The following RFTN2 variants were observed in gnomAD, a reference collection of about 807,000 sequenced individuals.
The protein encoded by RFTN2 is raftlin-2.
Under a neutral mutation model 52.7 loss-of-function variants are expected in RFTN2, and 34 were observed. That is an observed-to-expected ratio of 0.64 (90% CI 0.49 to 0.86). RFTN2 has a LOEUF of 0.86. Ranked by LOEUF, RFTN2 falls within the 40% of genes least tolerant of loss-of-function variation. The pLI, the probability that RFTN2 is intolerant of heterozygous loss-of-function variation, is 0.00. For synonymous variants in RFTN2, 203 were observed against 217.7 expected (o/e 0.93, Z 0.59); for missense variants, 536 against 600.1 (o/e 0.89, Z 1.12).
chr2:197,600,529 A>T (rs1416099796), intron 7 of RFTN2, among the ~76,000 whole-genome samples: 1 of 152,150 alleles, frequency 6.6e-6, no homozygotes, highest in Non-Finnish European at 1.5e-5. Flanking sequence ...TAAGGGAAAG[A>T]GGTCTGAAGC....
At position 197,675,412 on chromosome 2, in the gene RFTN2, G is replaced by A. The variant is rs1004843241; in HGVS notation, c.47C>T (p.Pro16Leu). The change falls in exon 1 of 9, where the codon CCT (proline) becomes CTT (leucine). Residue 16 changes from proline (P) to leucine (L), a missense_variant. Transcript: ENST00000295049. Reference protein sequence around the residue: ...RKLEDPDDSSPGKIFSTLKRP... With the variant: ...RKLEDPDDSSLGKIFSTLKRP... Reference sequence around the variant, plus strand: ...CTTCAGGGTAGAAAATATTTTTCCAGGGCTGCTATCATCAGGGTCTTCTAG... The same window carrying A: ...CTTCAGGGTAGAAAATATTTTTCCAAGGCTGCTATCATCAGGGTCTTCTAG... 8.7e-6 allele frequency: 14 copies of A among 1,603,266 alleles called. No homozygotes were observed. The highest frequency in any genetic ancestry group is 1.2e-5 in the Non-Finnish European group (14 of 1,175,012).
At chr2:197,634,819 C>G (rs1343776191) in intron 3 of RFTN2, among the ~76,000 whole-genome samples, 18 of 151,580 alleles carry the variant, frequency 1.2e-4, no homozygotes. Flanking sequence ...ATGTGACATG[C>G]TGGTGCGCTG....
intron 7 of RFTN2, among the ~76,000 whole-genome samples, chr2:197,615,217 T>A (rs1448354073): frequency 6.6e-6 from 1 of 152,184 alleles, no homozygotes; most frequent in Non-Finnish European, 1.5e-5. Flanking sequence ...TGAACCATAA[T>A]TGACTCTGCT....
rs779973604 is a variant in RFTN2, at chr2:197,619,750, A to AT, written c.929-1830_929-1829insA. On this transcript the variant is annotated intron_variant, in intron 5 of 8. Coordinates refer to ENST00000295049, the MANE Select transcript of RFTN2 (RefSeq NM_144629.3). Reference sequence around the variant, plus strand: ...CCAAGAATGATCAATTAAAAAAAAAAAATAATAATAACAATAATAAAATAA... The same window carrying AT: ...CCAAGAATGATCAATTAAAAAAAAAATAATAATAATAACAATAATAAAATAA... 2.8e-3 allele frequency among the ~76,000 whole-genome samples: 409 copies of AT among 144,546 alleles called. 1 individual carries two copies. The highest frequency in any genetic ancestry group is 7.2e-3 in the Middle Eastern group (2 of 278). The allele number at this position is 144,546 out of a possible 152,430, so 94.8% of individuals were successfully genotyped here.
At chr2:197,579,586 C>G (rs2087471989) in intron 8 of RFTN2, among the ~76,000 whole-genome samples, 1 of 152,178 alleles carries the variant, frequency 6.6e-6, no homozygotes, top group Non-Finnish European at 1.5e-5. Flanking sequence ...TCTGAGATGC[C>G]TGACGTCCAG....
rs2087303538 is a variant in RFTN2, at chr2:197,570,775, A to G, written c.*1233T>C. 6.6e-6 allele frequency: 1 copy of G among 152,242 alleles called. No homozygotes were observed. The highest frequency in any genetic ancestry group is 1.5e-5 in the Non-Finnish European group (1 of 68,048). 9.4% of individuals were successfully genotyped at this position (152,242 alleles called of 1,614,324 possible). On this transcript the variant is annotated 3_prime_UTR_variant, in exon 9 of 9. Coordinates refer to ENST00000295049, the MANE Select transcript of RFTN2 (RefSeq NM_144629.3). ...CCCAAACCAAACATATTATATGAAT[A>G]TTTGTGTTCAATAAAACAATAACAC...
At chr2:197,619,164 G>T (rs2106215691) in intron 5 of RFTN2, among the ~76,000 whole-genome samples, 1 of 151,936 alleles carries the variant, frequency 6.6e-6, no homozygotes, top group African/African-American at 2.4e-5. Context: ...TCCGGGAGGT[G>T]AGGGGCGCCT....
At chr2:197,675,189 C>T (rs937115787) in intron 1 of RFTN2, 131 bp downstream of exon 1, 10 of 658,020 alleles carry the variant, frequency 1.5e-5, no homozygotes, top group South Asian at 5.1e-5. Context: ...AATTAAGAAG[C>T]GAAGCATTAT....
chr2:197,606,628 T>G (rs2087965656), intron 7 of RFTN2, among the ~76,000 whole-genome samples: 1 of 150,764 alleles, frequency 6.6e-6, no homozygotes, highest in South Asian at 2.1e-4. Flanking sequence ...CAAACAAATT[T>G]ACAAGAAAAA....
intron 8 of RFTN2, chr2:197,587,963 G>T (rs1462016139): frequency 6.4e-6 from 3 of 469,992 alleles, no homozygotes; most frequent in Non-Finnish European, 1.3e-5. Context: ...ATGAATAGCT[G>T]GCCCGGAACT....
Position 197,626,069 on chromosome 2 carries a change from G to A in RFTN2, c.928+4942C>T, listed in dbSNP as rs544909092. On this transcript the variant is annotated intron_variant, in intron 5 of 8. Transcript: ENST00000295049. ...CTCCCAAAGTGCTGGGATTACAAGC[G>A]TGAGCCACCGCACCTTGCTAGAAAT... is the stretch of plus-strand genomic sequence containing the variant. 3.4e-4 allele frequency among the ~76,000 whole-genome samples: 51 copies of A among 152,118 alleles called. No homozygotes were observed. The South Asian group carries it at 0.01, about 30-fold the overall frequency.
intron 5 of RFTN2, among the ~76,000 whole-genome samples, chr2:197,630,638 G>A (rs1303822424): frequency 6.6e-6 from 1 of 152,152 alleles, no homozygotes; most frequent in Non-Finnish European, 1.5e-5. Flanking sequence ...GGTAGATAGT[G>A]TTCAAAATTG....
intron 8 of RFTN2, among the ~76,000 whole-genome samples, chr2:197,590,655 T>G (rs759191708): frequency 1.3e-5 from 2 of 152,166 alleles, no homozygotes; most frequent in African/African-American, 2.4e-5. Context: ...TTGCTCCTTC[T>G]GGTGTTTGGA....
intron 5 of RFTN2, among the ~76,000 whole-genome samples, chr2:197,630,702 G>A (rs908561591): frequency 3.3e-5 from 5 of 152,100 alleles, no homozygotes; most frequent in Admixed American, 6.5e-5. Flanking sequence ...TAAACCTCCC[G>A]TTTGGACTAT....
intron 8 of RFTN2, among the ~76,000 whole-genome samples, chr2:197,580,163 C>T (rs572475536): frequency 2.0e-4 from 30 of 152,088 alleles, no homozygotes; most frequent in African/African-American, 3.6e-4. Context: ...GATCCGCTCC[C>T]GACATTAAAA....
At chr2:197,608,795 AC>A (rs2088006810) in intron 7 of RFTN2, among the ~76,000 whole-genome samples, 1 of 149,844 alleles carries the variant, frequency 6.7e-6, no homozygotes, top group Non-Finnish European at 1.5e-5. Flanking sequence ...TCCCCACCCC[AC>A]AACAGGCCCC....
chr2:197,611,824 T>C (rs1020081378), intron 7 of RFTN2, among the ~76,000 whole-genome samples: 3 of 152,232 alleles, frequency 2.0e-5, no homozygotes, highest in East Asian at 1.9e-4. Flanking sequence ...TTTGTTCTCA[T>C]TGGTTTCAAA....
chr2:197,631,787 G>A (rs2088473178), intron 4 of RFTN2, among the ~76,000 whole-genome samples: 1 of 152,160 alleles, frequency 6.6e-6, no homozygotes, highest in Admixed American at 6.6e-5. Context: ...TGGAAATGCT[G>A]GATCATATCT....
At chr2:197,580,010 A>C (rs750965012) in intron 8 of RFTN2, among the ~76,000 whole-genome samples, 1 of 152,006 alleles carries the variant, frequency 6.6e-6, no homozygotes, top group African/African-American at 2.4e-5. Flanking sequence ...TCCCAAATCA[A>C]TTAGCGTTTA....
Sources: allele counts gnomAD v4.1 joint callset (sites outside exome capture counted in the v4.1 genomes callset), GRCh38; gene constraint gnomAD v4.1.1; transcripts MANE v1.5; gene names NCBI Gene and HGNC (gene_info 2026-07-23, HGNC 2026-07-21).